Variants in SHOC1 observed in about 807,000 individuals in gnomAD.
The protein encoded by SHOC1 is shortage in chiasmata 1, also known as protein shortage in chiasmata 1 ortholog.
A neutral mutation model predicts 179.2 loss-of-function variants in SHOC1; 136 were observed. The ratio of observed to expected loss-of-function variants is 0.76; its 90% CI spans 0.66 to 0.87. SHOC1 has a LOEUF of 0.87. SHOC1 is among the 40% of genes least tolerant of loss of function. SHOC1 has a pLI of 0.00. For missense variants in SHOC1, 1,538 were observed against 1,700.8 expected (o/e 0.90, Z 1.68); for synonymous variants, 489 against 586.6 (o/e 0.83, Z 2.41).
chr9:111,712,960 T>G (rs546747060), intron 18 of SHOC1, 140 bp downstream of exon 18: 46 of 579,592 alleles, frequency 7.9e-5, no homozygotes, highest in Non-Finnish European at 1.3e-4. Context: ...GCTGGTTAGA[T>G]CCCAATGAGT....
chr9:111,762,538 G>C (rs900199292), intron 5 of SHOC1, among the ~76,000 whole-genome samples: 1 of 152,008 alleles, frequency 6.6e-6, no homozygotes, highest in African/African-American at 2.4e-5. Flanking sequence ...TGTATATATA[G>C]TATGATCACA....
At position 111,706,689 on chromosome 9, in the gene SHOC1, A is replaced by G. The variant is rs1192095678; in HGVS notation, c.2616T>C (p.Ser872=). Residue 872 remains serine (S), a synonymous_variant, in exon 20 of 28, where the codon AGT becomes AGC. Transcript: ENST00000682961. ...NQYIGADFPW[S]NFSFVVEYNY... The stretch of plus-strand genomic sequence containing the variant: ...TGTATTCCACCACAAATGAGAAATT[A>G]CTCCAGGGGAAATCTGCTCCAATAT... 6.2e-7 allele frequency: 1 copy of G among 1,609,154 alleles called. No individual in the cohort carries two copies. Among genetic ancestry groups the G allele is most frequent in the Non-Finnish European group, 8.5e-7 (1 of 1,177,116 alleles).
At chr9:111,782,815 C>G (rs1259994925) in intron 3 of SHOC1, among the ~76,000 whole-genome samples, 1 of 152,314 alleles carries the variant, frequency 6.6e-6, no homozygotes, top group East Asian at 1.9e-4. Context: ...TCTTTAGTGT[C>G]CATTCCATTA....
chr9:111,780,799 T>C, intron 4 of SHOC1, 131 bp downstream of exon 4: 1 of 594,252 alleles, frequency 1.7e-6, no homozygotes, highest in Admixed American at 3.5e-5. Context: ...AATTAGGACC[T>C]TTTCTTCAGA....
At chr9:111,750,315 G>C (rs1294285307) in intron 8 of SHOC1, among the ~76,000 whole-genome samples, 1 of 151,720 alleles carries the variant, frequency 6.6e-6, no homozygotes, top group Non-Finnish European at 1.5e-5. Context: ...ATGTTTGTTG[G>C]CTGCATGTAC....
intron 6 of SHOC1, 121 bp downstream of exon 6, chr9:111,758,574 G>C (rs1395018797): frequency 1.9e-5 from 18 of 940,418 alleles, no homozygotes; most frequent in Non-Finnish European, 2.8e-5. Flanking sequence ...GGGCGACAGA[G>C]CAAGACTCAT....
At chr9:111,785,809 T>A (rs368090642) in intron 3 of SHOC1, 103 bp downstream of exon 3, 1 of 975,306 alleles carries the variant, frequency 1.0e-6, no homozygotes, top group Admixed American at 4.2e-5. Context: ...GTAGATGCAA[T>A]GAGTTTTTAA....
At chr9:111,740,354 T>C (rs905579087) in intron 11 of SHOC1, among the ~76,000 whole-genome samples, 2 of 152,178 alleles carry the variant, frequency 1.3e-5, no homozygotes, top group African/African-American at 4.8e-5. Context: ...CTTACTTGCT[T>C]CCCAGGATTC....
intron 19 of SHOC1, among the ~76,000 whole-genome samples, chr9:111,707,544 A>G (rs1171059263): frequency 2.0e-5 from 3 of 152,108 alleles, no homozygotes; most frequent in Non-Finnish European, 4.4e-5. Context: ...TGTAAAAAAC[A>G]ATGCTGAGCA....
At chr9:111,769,141 T>C (rs1835469129) in intron 5 of SHOC1, among the ~76,000 whole-genome samples, 2 of 152,212 alleles carry the variant, frequency 1.3e-5, no homozygotes. Flanking sequence ...TTATGTGTTG[T>C]TGAATTCAGT....
intron 14 of SHOC1, among the ~76,000 whole-genome samples, chr9:111,723,136 A>T (rs971278387): frequency 3.3e-5 from 5 of 152,214 alleles, no homozygotes; most frequent in African/African-American, 1.2e-4. Context: ...GCAAATATAA[A>T]GACCCATATA....
chr9:111,793,133 C>T (rs1189059675), intron 1 of SHOC1, among the ~76,000 whole-genome samples: 1 of 152,186 alleles, frequency 6.6e-6, no homozygotes, highest in African/African-American at 2.4e-5. Context: ...CCGCCCGTCT[C>T]GGTCTCCCAG....
chr9:111,741,339 T>C, intron 11 of SHOC1, 137 bp downstream of exon 11: 2 of 547,428 alleles, frequency 3.7e-6, no homozygotes, highest in Non-Finnish European at 6.6e-6. Flanking sequence ...ATGGAAGATA[T>C]CTTGGTATTT....
intron 2 of SHOC1, among the ~76,000 whole-genome samples, chr9:111,788,110 A>T (rs1347558311): frequency 8.2e-6 from 1 of 122,440 alleles, no homozygotes; most frequent in Non-Finnish European, 1.6e-5. Flanking sequence ...CTTGTCGCCC[A>T]GGCTGGAGTG....
chr9:111,783,115 T>A (rs1254076089), intron 3 of SHOC1, among the ~76,000 whole-genome samples: 2 of 152,246 alleles, frequency 1.3e-5, no homozygotes, highest in Admixed American at 1.3e-4. Flanking sequence ...TCTCTCATCA[T>A]GTATTTTTTA....
At chr9:111,761,395 G>A (rs752984070) in intron 5 of SHOC1, among the ~76,000 whole-genome samples, 11 of 151,946 alleles carry the variant, frequency 7.2e-5, no homozygotes, top group Admixed American at 3.9e-4. Context: ...CCAGCTACTC[G>A]GGAGGCTGAG....
In SHOC1 at chr9:111,687,478, C is replaced by G. The variant is rs146864439; in HGVS notation, c.4427-608G>C. On this transcript the variant is annotated intron_variant, in intron 27 of 27. Transcript: ENST00000682961. ...TTAAATCTCCCTTGGTTTCAATTTT[C>G]TCTTCTGTGAAATGAAAAGTTATAA... is the stretch of plus-strand genomic sequence containing the variant. Among the ~76,000 whole-genome samples the G allele has an allele frequency of 5.6e-3, 850 of 152,266 alleles. 7 individuals carry two copies. The highest frequency in any genetic ancestry group is 0.019 in the African/African-American group (809 of 41,548).
At position 111,769,975 on chromosome 9, in the gene SHOC1, G is replaced by GTTTGTTTTTTTTTTTTTTTTTTTTT. The variant is rs1564161086; in HGVS notation, c.442+5815_442+5816insAAAAAAAAAAAAAAAAAAAAACAAA. On this transcript the variant is annotated intron_variant, in intron 5 of 27. Transcript: ENST00000682961. ...AATCTAGCGAAAGGTTTTATCTTCT[G>GTTTGTTTTTTTTTTTTTTTTTTTTT]TTTTTTTTTTGTTTTTTTTTTTTTT... 1.4e-4 allele frequency among the ~76,000 whole-genome samples: 12 copies of GTTTGTTTTTTTTTTTTTTTTTTTTT among 87,792 alleles called. 1 individual carries two copies. The highest frequency in any genetic ancestry group is 5.3e-4 in the African/African-American group (10 of 18,822). The allele number at this position is 87,792 out of a possible 152,430, so 57.6% of individuals were successfully genotyped here. A position where few individuals can be genotyped will look rare whatever the true frequency, so the allele number is the denominator to read the frequency against.
intron 6 of SHOC1, 125 bp from the exon 7 acceptor site, chr9:111,758,320 G>A (rs1406580596): frequency 1.6e-6 from 1 of 614,332 alleles, no homozygotes; most frequent in Admixed American, 3.6e-5. Flanking sequence ...TATTGGCCGG[G>A]TGCAGTGGCT....
Sources: gnomAD v4.1 joint callset for allele counts (sites outside exome capture counted in the v4.1 genomes callset) on GRCh38, gnomAD v4.1.1 for gene constraint, MANE v1.5 for transcripts, NCBI Gene and HGNC (gene_info 2026-07-23, HGNC 2026-07-21) for gene names.